AKIP1: variants seen among roughly 807,000 people sequenced by gnomAD.
AKIP1 encodes the protein A-kinase interacting protein 1.
Under a neutral mutation model 22.3 loss-of-function variants are expected in AKIP1, and 18 were observed. The ratio of observed to expected loss-of-function variants is 0.81; its 90% CI spans 0.56 to 1.19. The LOEUF (loss-of-function observed/expected upper bound fraction) is 1.19. Ranked by LOEUF, AKIP1 falls within the 50% of genes most tolerant of loss-of-function variation. AKIP1 has a pLI of 0.00. For missense variants in AKIP1, 287 were observed against 264.6 expected (o/e 1.08, Z -0.59); for synonymous variants, 120 against 102.7 (o/e 1.17, Z -1.02).
At position 8,919,821 on chromosome 11, in the gene AKIP1, T is replaced by C. The variant is rs1444231883; in HGVS notation, c.*341T>C. 4.8e-6 allele frequency: 1 copy of C among 207,728 alleles called. No homozygotes were observed. Among genetic ancestry groups the C allele is most frequent in the African/African-American group, 2.3e-5 (1 of 42,766 alleles). 12.9% of individuals were successfully genotyped at this position (207,728 alleles called of 1,614,324 possible). A position where few individuals can be genotyped will look rare whatever the true frequency, so the allele number is the denominator to read the frequency against. On this transcript the variant is annotated 3_prime_UTR_variant, in exon 6 of 6. Transcript: ENST00000309377. Reference sequence around the variant, plus strand: ...CCGGCTATTTTTTTTGTATTTTTAGTAGAGACGGGGTTTCACCATGTTGGC... The same window carrying C: ...CCGGCTATTTTTTTTGTATTTTTAGCAGAGACGGGGTTTCACCATGTTGGC...
chr11:8,917,310 C>G lies in AKIP1; in HGVS notation c.432C>G (p.Ser144=). The G allele has an allele frequency of 6.2e-7, 1 of 1,610,416 alleles. No homozygotes were observed. Among genetic ancestry groups the G allele is most frequent in the Non-Finnish European group, 8.5e-7 (1 of 1,177,902 alleles). Residue 144 remains serine (S), a synonymous_variant, in exon 5 of 6, where the codon TCC becomes TCG. Coordinates refer to ENST00000309377, the MANE Select transcript of AKIP1 (RefSeq NM_020642.4). ...AGAGAAAAGACAGAAAAAAGACATCCCTTGGTCCTGGAGGCAGCTATCAAA... is the reference window on the plus strand; with the variant it reads ...AGAGAAAAGACAGAAAAAAGACATCGCTTGGTCCTGGAGGCAGCTATCAAA... The part of the protein sequence containing the change: ...NGQRKDRKKT[S]LGPGGSYQIS...
intron 1 of AKIP1, 52 bp from the exon 2 acceptor site, chr11:8,911,392 T>C (rs971171986): frequency 6.8e-7 from 1 of 1,476,630 alleles, no homozygotes; most frequent in African/African-American, 1.4e-5. Context: ...TGGAGCAGGG[T>C]CGCCGCGGCC....
chr11:8,917,659 A>C (rs1158193105), intron 5 of AKIP1: 1 of 467,198 alleles, frequency 2.1e-6, no homozygotes, highest in African/African-American at 1.9e-5. Flanking sequence ...CTGGGCTGGC[A>C]CTGGGTCCTG....
intron 3 of AKIP1, among the ~76,000 whole-genome samples, chr11:8,913,252 C>G (rs1055608016): frequency 1.3e-5 from 2 of 149,596 alleles, no homozygotes; most frequent in African/African-American, 4.9e-5. Flanking sequence ...TCAGTCTCGG[C>G]TCACTGCAAC....
At chr11:8,914,772 G>T (rs746977984) in intron 3 of AKIP1, 54 bp from the exon 4 acceptor site, 4 of 1,451,282 alleles carry the variant, frequency 2.8e-6, no homozygotes, top group Non-Finnish European at 3.8e-6. Context: ...AGGGTTTTTT[G>T]AAAATTTGAC....
intron 5 of AKIP1, 47 bp from the exon 6 acceptor site, chr11:8,919,290 C>T (rs200086771): frequency 1.5e-4 from 233 of 1,579,790 alleles, no homozygotes; most frequent in Non-Finnish European, 1.9e-4. Context: ...CATGGTGGCA[C>T]TGGGGTATAA....
In AKIP1 at chr11:8,914,853, G is replaced by C. The variant is rs1198622090; in HGVS notation, c.331G>C (p.Gly111Arg). The change falls in exon 4 of 6, where the codon GGA (glycine) becomes CGA (arginine). Residue 111 changes from glycine to arginine, a missense_variant. Physicochemically the swap from Gly to Arg is moderately radical, Grantham distance 125. Coordinates refer to ENST00000309377, the MANE Select transcript of AKIP1 (RefSeq NM_020642.4). ...GKYYSSVPEE[G>R]GATHVYRYHR... ...ATATTATTCATCTGTGCCAGAGGAA[G>C]GAGGGGCAACCCATGTCTATCGTTA... is the stretch of plus-strand genomic sequence containing the variant. 6 of 1,613,752 alleles carry C rather than the reference G, an allele frequency of 3.7e-6. No individual in the cohort carries two copies. In the South Asian group the frequency reaches 6.6e-5, roughly 18 times the overall value.
chr11:8,919,314 C>A, intron 5 of AKIP1, 23 bp from the exon 6 acceptor site: 2 of 1,607,440 alleles, frequency 1.2e-6, no homozygotes, highest in Non-Finnish European at 8.5e-7. Flanking sequence ...CTCTAAACTG[C>A]TAATATCCTC....
At position 8,915,227 on chromosome 11, in the gene AKIP1, G is replaced by C. The variant is rs369249525; in HGVS notation, c.408+297G>C. Among the ~76,000 whole-genome samples, 12 of 152,150 alleles carry C rather than the reference G, an allele frequency of 7.9e-5. No homozygotes were observed. In the East Asian group the frequency reaches 1.3e-3, roughly 17 times the overall value. On this transcript the variant is annotated intron_variant, in intron 4 of 5. Transcript: ENST00000309377. ...AAAAGAGCTTCCAAGCCTGGAATGTGGTGTATGCAATGATCGCCCCTGTGA... is the reference window on the plus strand; with the variant it reads ...AAAAGAGCTTCCAAGCCTGGAATGTCGTGTATGCAATGATCGCCCCTGTGA...
intron 3 of AKIP1, among the ~76,000 whole-genome samples, chr11:8,913,937 CT>C (rs1430093558): frequency 1.3e-5 from 2 of 152,212 alleles, no homozygotes; most frequent in Non-Finnish European, 2.9e-5. Context: ...TAGCAAATTG[CT>C]GTTCTTCATT....
chr11:8,911,576 G>C lies in AKIP1; in HGVS notation c.127G>C (p.Glu43Gln). ...KRRAVDWHAL[E>Q]RPKGCMGVLA... ...GAGGGCGGTGGACTGGCATGCCCTG[G>C]AGCGTCCCAAAGGCTGCATGGGGGT... Residue 43 changes from glutamate (E) to glutamine (Q), a missense_variant, in exon 2 of 6, where the codon GAG becomes CAG. Transcript: ENST00000309377. 6.2e-7 allele frequency: 1 copy of C among 1,611,618 alleles called. No homozygotes were observed. The highest frequency in any genetic ancestry group is 8.5e-7 in the Non-Finnish European group (1 of 1,179,278).
At chr11:8,915,347 A>ATTTTTTTTTCTTTT (rs2064463968) in intron 4 of AKIP1, among the ~76,000 whole-genome samples, 1 of 105,098 alleles carries the variant, frequency 9.5e-6, no homozygotes, top group Non-Finnish European at 1.9e-5. Flanking sequence ...TAGGGATAGG[A>ATTTTTTTTTCTTTT]TTTTTTTTTT....
chr11:8,912,676 A>C (rs1462234006), intron 3 of AKIP1, 143 bp downstream of exon 3: 3 of 729,616 alleles, frequency 4.1e-6, no homozygotes, highest in South Asian at 1.6e-5. Flanking sequence ...TCAAGGACTT[A>C]AACCAGGGGG....
Position 8,912,545 on chromosome 11 carries a change from T to G in AKIP1, c.303+12T>G. 4 of 1,611,208 alleles carry G rather than the reference T, an allele frequency of 2.5e-6. No individual in the cohort carries two copies. The highest frequency in any genetic ancestry group is 3.4e-6 in the Non-Finnish European group (4 of 1,177,338). ...CAAGTCAGTGTGGGGTAAGTTGGTG[T>G]GAACCAAAACTATGCCCCATCACCT... On this transcript the variant is annotated intron_variant, in intron 3 of 5. Coordinates refer to ENST00000309377, the MANE Select transcript of AKIP1 (RefSeq NM_020642.4).
chr11:8,911,630 A>C lies in AKIP1; in HGVS notation c.181A>C (p.Lys61Gln), dbSNP rs772600255. ...VLAREAPHLE[K>Q]QPAAGPQRVL... ...TGCCCGGGAGGCGCCCCACCTAGAG[A>C]AACAGCCGGCAGCCGGCCCGCAGCG... Residue 61 changes from lysine to glutamine, a missense_variant, in exon 2 of 6, where the codon AAA becomes CAA. Transcript: ENST00000309377. The C allele has an allele frequency of 6.3e-6, 10 of 1,590,068 alleles. No individual in the cohort carries two copies. Among genetic ancestry groups the C allele is most frequent in the Admixed American group, 3.6e-5 (2 of 55,832 alleles).
intron 4 of AKIP1, among the ~76,000 whole-genome samples, chr11:8,915,522 C>G (rs947491498): frequency 1.3e-5 from 2 of 150,572 alleles, no homozygotes; most frequent in Admixed American, 6.6e-5. Context: ...CCACCACACC[C>G]AGCTAATTTT....
intron 4 of AKIP1, among the ~76,000 whole-genome samples, chr11:8,915,436 T>TCAC (rs1334515757): frequency 6.9e-6 from 1 of 144,682 alleles, no homozygotes; most frequent in Non-Finnish European, 1.5e-5. Flanking sequence ...CAATCATGGC[T>TCAC]TACTGCAGCC....
chr11:8,917,377 G>A lies in AKIP1; in HGVS notation c.489+10G>A. The A allele has an allele frequency of 6.2e-7, 1 of 1,609,796 alleles. No individual in the cohort carries two copies. Among genetic ancestry groups the A allele is most frequent in the Non-Finnish European group, 8.5e-7 (1 of 1,176,518 alleles). Reference sequence around the variant, plus strand: ...AGAGGCATCCCAGCCTGTGAGTACGGAACTGCTTACGCACTGGGTTTCACC... The same window carrying A: ...AGAGGCATCCCAGCCTGTGAGTACGAAACTGCTTACGCACTGGGTTTCACC... On this transcript the variant is annotated intron_variant, in intron 5 of 5. Transcript: ENST00000309377.
intron 3 of AKIP1, among the ~76,000 whole-genome samples, chr11:8,913,542 G>A (rs2064432830): frequency 6.6e-6 from 1 of 152,194 alleles, no homozygotes; most frequent in South Asian, 2.1e-4. Flanking sequence ...AACATTCAAG[G>A]AAATTACCTG....
Sources: allele counts gnomAD v4.1 joint callset (sites outside exome capture counted in the v4.1 genomes callset), GRCh38; gene constraint gnomAD v4.1.1; transcripts MANE v1.5; gene names NCBI Gene and HGNC (gene_info 2026-07-23, HGNC 2026-07-21).